Variants in NMBR observed in about 807,000 individuals in gnomAD.
The protein encoded by NMBR is neuromedin-B receptor.
Under a neutral mutation model 20.5 loss-of-function variants are expected in NMBR, and 16 were observed. That is an observed-to-expected ratio of 0.78 (90% confidence interval 0.53 to 1.19). The LOEUF (loss-of-function observed/expected upper bound fraction) is 1.19, where lower values mean the gene tolerates loss of function less well. NMBR is among the 50% of genes most tolerant of loss of function. NMBR has a pLI of 0.00. For synonymous variants in NMBR, 212 were observed against 196.6 expected (o/e 1.08, Z -0.65); for missense variants, 582 against 499.1 (o/e 1.17, Z -1.58).
chr6:142,074,896 TATC>T lies in NMBR; in HGVS notation c.*749_*751del, dbSNP rs534283531. ...ACATTCATAATATAAATTATATTCA[TATC>T]ATATCTATTTTATAATTCATAATAT... On this transcript the variant is annotated 3_prime_UTR_variant, in exon 4 of 4. Transcript: ENST00000258042. 5.8e-4 allele frequency among the ~76,000 whole-genome samples: 88 copies of T among 152,172 alleles called. No homozygotes were observed. The highest frequency in any genetic ancestry group is 1.8e-3 in the African/African-American group (75 of 41,524).
At chr6:142,105,333 A>G (rs529836759) in intron 1 of NMBR, among the ~76,000 whole-genome samples, 2 of 152,142 alleles carry the variant, frequency 1.3e-5, no homozygotes, top group African/African-American at 4.8e-5. Flanking sequence ...TTGGGCTCAG[A>G]GGCCTGACAA....
intron 2 of NMBR, among the ~76,000 whole-genome samples, chr6:142,085,434 G>A (rs937490912): frequency 6.6e-6 from 1 of 152,108 alleles, no homozygotes; most frequent in Non-Finnish European, 1.5e-5. Flanking sequence ...TGAGGCAGGA[G>A]ATTTGCTTGA....
At chr6:142,126,950 TTTTTG>T (rs1219953232) in intron 1 of NMBR, among the ~76,000 whole-genome samples, 1 of 151,450 alleles carries the variant, frequency 6.6e-6, no homozygotes, top group Non-Finnish European at 1.5e-5. Context: ...GTGTGTGTGG[TTTTTG>T]TTTTGTTTTA....
intron 1 of NMBR, among the ~76,000 whole-genome samples, chr6:142,136,729 C>A (rs1778264879): frequency 6.6e-6 from 1 of 152,178 alleles, no homozygotes; most frequent in African/African-American, 2.4e-5. Context: ...GCCAGTTTTC[C>A]CAGCACCATT....
At position 142,088,552 on chromosome 6, in the gene NMBR, G is replaced by A; in HGVS notation, c.107C>T (p.Thr36Ile). 3 of 1,613,914 alleles carry A rather than the reference G, an allele frequency of 1.9e-6. No individual in the cohort carries two copies. The highest frequency in any genetic ancestry group is 2.5e-6 in the Non-Finnish European group (3 of 1,179,980). Residue 36 changes from threonine (T) to isoleucine (I), a missense_variant, in exon 2 of 4, where the codon ACC becomes ATC. By Grantham distance (89) the Thr-to-Ile change is moderately conservative (BLOSUM62 -1). Transcript: ENST00000258042. ...ERDFLPASDG[T>I]TTELVIRCVI... ...ACAGCGGATCACCAACTCCGTGGTGGTCCCGTCCGAGGCCGGCAGGAAATC... is the reference window on the plus strand; with the variant it reads ...ACAGCGGATCACCAACTCCGTGGTGATCCCGTCCGAGGCCGGCAGGAAATC...
Position 142,075,622 on chromosome 6 carries a change from C to G in NMBR, c.*26G>C. On this transcript the variant is annotated 3_prime_UTR_variant, in exon 4 of 4. Coordinates refer to ENST00000258042, the MANE Select transcript of NMBR (RefSeq NM_002511.4). ...AATTTTAACAGTTACTAAGTTCTCTCCAGGTAGTGAGTTGAATGGCCAAAA... is the reference window on the plus strand; with the variant it reads ...AATTTTAACAGTTACTAAGTTCTCTGCAGGTAGTGAGTTGAATGGCCAAAA... The G allele has an allele frequency of 1.3e-6, 2 of 1,578,352 alleles. No homozygotes were observed. Among genetic ancestry groups the G allele is most frequent in the South Asian group, 1.2e-5 (1 of 84,598 alleles).
intron 1 of NMBR, among the ~76,000 whole-genome samples, chr6:142,107,837 T>A (rs1037397267): frequency 7.9e-5 from 12 of 151,360 alleles, no homozygotes; most frequent in African/African-American, 2.9e-4. Context: ...AAGAAAGGTA[T>A]GAGGACAATG....
chr6:142,084,620 A>G (rs1777165433), intron 2 of NMBR, among the ~76,000 whole-genome samples: 1 of 152,196 alleles, frequency 6.6e-6, no homozygotes, highest in African/African-American at 2.4e-5. Flanking sequence ...TATGAAGTTT[A>G]CAGTTTAGCA....
In NMBR at chr6:142,088,604, C is replaced by A. The variant is rs1462223741; in HGVS notation, c.55G>T (p.Gly19Cys). 1 of 1,610,726 alleles carries A rather than the reference C, an allele frequency of 6.2e-7. No individual in the cohort carries two copies. Among genetic ancestry groups the A allele is most frequent in the East Asian group, 2.2e-5 (1 of 44,838 alleles). The change falls in exon 2 of 4, where the codon GGT (glycine) becomes TGT (cysteine). Residue 19 changes from glycine (G) to cysteine (C), a missense_variant. By Grantham distance (159) the Gly-to-Cys change is radical (BLOSUM62 -3). Transcript: ENST00000258042. ...CTTTCCCACCCCTCGGGAACGGAAC[C>A]GCTCTCATTCGCGCCGGTGGTCACC... ...LSVTTGANES[G>C]SVPEGWERDF...
chr6:142,093,269 A>G (rs1476754024), intron 1 of NMBR, among the ~76,000 whole-genome samples: 1 of 150,232 alleles, frequency 6.7e-6, no homozygotes, highest in Non-Finnish European at 1.5e-5. Context: ...ATCATTTAGC[A>G]TTAGGTATAT....
At chr6:142,111,914 T>C (rs79180435) in intron 1 of NMBR, among the ~76,000 whole-genome samples, 2,201 of 152,336 alleles carry the variant, frequency 0.014, 33 homozygotes, top group Non-Finnish European at 0.023. Flanking sequence ...ATTCTTAAAC[T>C]GAAAAGGTAA....
chr6:142,097,001 C>T (rs1268381962), intron 1 of NMBR, among the ~76,000 whole-genome samples: 1 of 151,766 alleles, frequency 6.6e-6, no homozygotes, highest in Non-Finnish European at 1.5e-5. Context: ...CAACCCCTGC[C>T]TTTTTTTGTT....
intron 3 of NMBR, among the ~76,000 whole-genome samples, chr6:142,076,951 G>A (rs1344743705): frequency 6.6e-6 from 1 of 152,132 alleles, no homozygotes; most frequent in Non-Finnish European, 1.5e-5. Flanking sequence ...CATATCTGAT[G>A]GTAGGTAGCA....
rs114872837 is a variant in NMBR at position 142,134,043 on chromosome 6, C to A, written c.-664+13001G>T. On this transcript the variant is annotated intron_variant, in intron 1 of 3. Coordinates refer to ENST00000258042, the MANE Select transcript of NMBR (RefSeq NM_002511.4). Reference sequence around the variant, plus strand: ...CCAATCACTCCACAAGTAAGTTTTTCTGTGTGCACATAAACATTAACTCTA... The same window carrying A: ...CCAATCACTCCACAAGTAAGTTTTTATGTGTGCACATAAACATTAACTCTA... 3,062 of 674,730 alleles carry A rather than the reference C, an allele frequency of 4.5e-3. 77 individuals carry two copies. The African/African-American group carries it at 0.046, about 10-fold the overall frequency. 41.8% of individuals were successfully genotyped at this position (674,730 alleles called of 1,614,324 possible).
intron 1 of NMBR, among the ~76,000 whole-genome samples, chr6:142,096,031 A>T (rs1391311288): frequency 6.6e-6 from 1 of 150,528 alleles, no homozygotes; most frequent in Non-Finnish European, 1.5e-5. Flanking sequence ...CATCTATTTG[A>T]TTCTTCTCTC....
At chr6:142,139,225 C>T (rs1475921505) in intron 1 of NMBR, among the ~76,000 whole-genome samples, 3 of 152,194 alleles carry the variant, frequency 2.0e-5, no homozygotes, top group South Asian at 2.1e-4. Context: ...AAAAATCCCA[C>T]AGAAGACTTC....
At chr6:142,100,874 T>C (rs1475325460) in intron 1 of NMBR, among the ~76,000 whole-genome samples, 1 of 152,210 alleles carries the variant, frequency 6.6e-6, no homozygotes, top group African/African-American at 2.4e-5. Flanking sequence ...TCTTAGTCTG[T>C]TCAGACTGCT....
At chr6:142,076,374 G>C (rs1776949316) in intron 3 of NMBR, among the ~76,000 whole-genome samples, 1 of 151,856 alleles carries the variant, frequency 6.6e-6, no homozygotes. Context: ...AGTCATTTCT[G>C]TTTGTATTAA....
intron 3 of NMBR, among the ~76,000 whole-genome samples, chr6:142,076,801 A>G (rs1322210407): frequency 6.6e-6 from 1 of 152,218 alleles, no homozygotes; most frequent in African/African-American, 2.4e-5. Flanking sequence ...TTGTTTAAAT[A>G]CTTAATTAAA....
Sources: allele counts gnomAD v4.1 joint callset (sites outside exome capture counted in the v4.1 genomes callset), GRCh38; gene constraint gnomAD v4.1.1; transcripts MANE v1.5; gene names NCBI Gene and HGNC (gene_info 2026-07-23, HGNC 2026-07-21).